FGF12: variants seen among roughly 807,000 people sequenced by gnomAD.
FGF12 encodes the protein fibroblast growth factor 12B.
Under a neutral mutation model 23.6 loss-of-function variants are expected in FGF12, and 14 were observed. The ratio of observed to expected loss-of-function variants is 0.59; its 90% CI spans 0.39 to 0.93. The LOEUF (loss-of-function observed/expected upper bound fraction) is 0.93. Ranked by LOEUF, FGF12 falls within the 40% of genes least tolerant of loss-of-function variation. The probability of loss-of-function intolerance (pLI) is 0.00; values close to 1 mark genes in which losing one functional copy is unlikely to be tolerated. For missense variants in FGF12, 175 were observed against 217.8 expected (o/e 0.80, Z 1.24); for synonymous variants, 62 against 77.3 (o/e 0.80, Z 1.04).
intron 3 of FGF12, among the ~76,000 whole-genome samples, chr3:192,353,159 A>C (rs1301003376): frequency 6.6e-6 from 1 of 152,194 alleles, no homozygotes; most frequent in East Asian, 1.9e-4. Flanking sequence ...TAGTCATCAC[A>C]CAGAGCCAAA....
At chr3:192,167,731 GTATATATATATATATATATATATATATA>G (rs11394352) in intron 5 of FGF12, among the ~76,000 whole-genome samples, 3 of 25,044 alleles carry the variant, frequency 1.2e-4, no homozygotes, top group African/African-American at 2.1e-4. Context: ...TAGGTTATAG[GTATATATATATATATATATATATATATA>G]TATATATATA....
intron 4 of FGF12, among the ~76,000 whole-genome samples, chr3:192,209,390 G>A (rs1717817311): frequency 6.6e-6 from 1 of 152,154 alleles, no homozygotes; most frequent in Non-Finnish European, 1.5e-5. Context: ...GGAATCCTGT[G>A]CTAGCTATGG....
intron 2 of FGF12, among the ~76,000 whole-genome samples, chr3:192,649,613 T>C (rs1716138203): frequency 6.6e-6 from 1 of 152,134 alleles, no homozygotes; most frequent in South Asian, 2.1e-4. Context: ...TGGAATACAG[T>C]GCCATCTTGG....
intron 2 of FGF12, among the ~76,000 whole-genome samples, chr3:192,477,447 T>C (rs903957686): frequency 6.6e-6 from 1 of 152,214 alleles, no homozygotes; most frequent in Admixed American, 6.5e-5. Context: ...CAGTATAGTT[T>C]ATAGACAATT....
chr3:192,507,334 TAC>T (rs35433581), intron 2 of FGF12, among the ~76,000 whole-genome samples: 1,668 of 144,678 alleles, frequency 0.012, 17 homozygotes, highest in African/African-American at 0.019. Context: ...TTTGACCAAA[TAC>T]ACACACACAC....
At chr3:192,401,219 A>G (rs1720746937) in intron 2 of FGF12, among the ~76,000 whole-genome samples, 1 of 152,254 alleles carries the variant, frequency 6.6e-6, no homozygotes, top group Admixed American at 6.5e-5. Flanking sequence ...AATAGAAGTC[A>G]GCTTGTTCTC....
chr3:192,191,435 C>G (rs1390676398), intron 4 of FGF12, among the ~76,000 whole-genome samples: 2 of 152,148 alleles, frequency 1.3e-5, no homozygotes, highest in Non-Finnish European at 2.9e-5. Flanking sequence ...GCCACTAATG[C>G]AGAAGATGCT....
At chr3:192,150,969 G>A (rs1198673032) in intron 5 of FGF12, among the ~76,000 whole-genome samples, 6 of 146,252 alleles carry the variant, frequency 4.1e-5, no homozygotes, top group South Asian at 2.2e-4. Context: ...TCTTCCATTT[G>A]TTTGTATCCT....
chr3:192,263,449 C>T (rs1008982932), intron 4 of FGF12, among the ~76,000 whole-genome samples: 1 of 151,198 alleles, frequency 6.6e-6, no homozygotes, highest in Non-Finnish European at 1.5e-5. Context: ...TTTATACATG[C>T]ATTACAATTT....
intron 4 of FGF12, among the ~76,000 whole-genome samples, chr3:192,277,919 T>G (rs925813450): frequency 2.0e-5 from 3 of 152,134 alleles, no homozygotes; most frequent in Non-Finnish European, 2.9e-5. Flanking sequence ...CCTGCCACCA[T>G]GCCCAGCTAA....
chr3:192,489,776 A>G (rs1723744882), intron 2 of FGF12, among the ~76,000 whole-genome samples: 1 of 152,034 alleles, frequency 6.6e-6, no homozygotes, highest in Admixed American at 6.6e-5. Flanking sequence ...AAGATACCAC[A>G]GAAAGAGCTC....
At chr3:192,531,342 A>G (rs944613839) in intron 2 of FGF12, among the ~76,000 whole-genome samples, 4 of 152,230 alleles carry the variant, frequency 2.6e-5, no homozygotes, top group South Asian at 2.1e-4. Flanking sequence ...GTGTTAATGG[A>G]CACATTTCTT....
At chr3:192,149,171 A>C (rs913118242) in intron 5 of FGF12, among the ~76,000 whole-genome samples, 12 of 152,204 alleles carry the variant, frequency 7.9e-5, no homozygotes, top group Non-Finnish European at 1.6e-4. Context: ...TGAGTGTATA[A>C]AGAAAAATCT....
At chr3:192,522,582 T>C (rs142356006) in intron 2 of FGF12, among the ~76,000 whole-genome samples, 61 of 152,342 alleles carry the variant, frequency 4.0e-4, no homozygotes, top group African/African-American at 1.4e-3. Flanking sequence ...ATTCCCCCTT[T>C]GGCAAATTCT....
chr3:192,529,802 A>G (rs934338112), intron 2 of FGF12, among the ~76,000 whole-genome samples: 3 of 152,190 alleles, frequency 2.0e-5, no homozygotes, highest in Non-Finnish European at 4.4e-5. Context: ...TTTATTCACT[A>G]TCTCAAGAAC....
At chr3:192,329,950 G>T (rs1168117356) in intron 4 of FGF12, among the ~76,000 whole-genome samples, 1 of 152,016 alleles carries the variant, frequency 6.6e-6, no homozygotes, top group Non-Finnish European at 1.5e-5. Flanking sequence ...GATGCATTAA[G>T]AACTTTTTAT....
chr3:192,633,301 C>G (rs1378208114), intron 2 of FGF12, among the ~76,000 whole-genome samples: 7 of 152,124 alleles, frequency 4.6e-5, no homozygotes, highest in Non-Finnish European at 1.0e-4. Flanking sequence ...CTGCCTCTGC[C>G]TCCCAAAGTG....
intron 2 of FGF12, among the ~76,000 whole-genome samples, chr3:192,564,509 G>A (rs1291823392): frequency 6.6e-6 from 1 of 152,172 alleles, no homozygotes; most frequent in Non-Finnish European, 1.5e-5. Context: ...AAGGCAGCAG[G>A]TGATATGTGA....
At chr3:192,331,007 T>TAAC (rs200477160) in intron 4 of FGF12, among the ~76,000 whole-genome samples, 1 of 151,990 alleles carries the variant, frequency 6.6e-6, no homozygotes, top group Non-Finnish European at 1.5e-5. Context: ...TACAACTCAG[T>TAAC]AACAACAACA....
Sources: gnomAD v4.1 joint callset for allele counts (sites outside exome capture counted in the v4.1 genomes callset) on GRCh38, gnomAD v4.1.1 for gene constraint, MANE v1.5 for transcripts, NCBI Gene and HGNC (gene_info 2026-07-23, HGNC 2026-07-21) for gene names.